Variants in ADCK2 observed in about 807,000 individuals in gnomAD.
ADCK2 encodes the protein uncharacterized aarF domain-containing protein kinase 2.
A neutral mutation model predicts 52.3 loss-of-function variants in ADCK2; 37 were observed. The ratio of observed to expected loss-of-function variants is 0.71; its 90% CI spans 0.54 to 0.93. The LOEUF is 0.93. Ranked by LOEUF, ADCK2 falls within the 40% of genes least tolerant of loss-of-function variation. ADCK2 has a pLI of 0.00. For synonymous variants in ADCK2, 321 were observed against 349.2 expected, an observed-to-expected ratio of 0.92 and a Z score of 0.90; for missense variants, 695 against 798.7, an observed-to-expected ratio of 0.87 and a Z score of 1.56.
In ADCK2 at chr7:140,674,334, A is replaced by C. The variant is rs572190303; in HGVS notation, c.933+71A>C. On this transcript the variant is annotated intron_variant, in intron 1 of 7. Transcript: ENST00000072869. The surrounding 1 kb of genome is among the most constrained non-coding windows in gnomAD (Gnocchi z 4.6). ...CCAGATCAGAAACAACCGCCATGCA[A>C]ATCGCCCCCACGTTTATTTCTATTT... is the stretch of plus-strand genomic sequence containing the variant. 1.4e-4 allele frequency: 197 copies of C among 1,452,638 alleles called. 1 individual carries two copies. Among genetic ancestry groups the C allele is most frequent in the Non-Finnish European group, 3.5e-5 (38 of 1,077,894 alleles). The allele number at this position is 1,452,638 out of a possible 1,614,324, so 90.0% of individuals were successfully genotyped here.
Position 140,693,952 on chromosome 7 carries a change from G to A in ADCK2, c.1741-711G>A, listed in dbSNP as rs60459780. On this transcript the variant is annotated intron_variant, in intron 7 of 7. Coordinates refer to ENST00000072869, the MANE Select transcript of ADCK2 (RefSeq NM_052853.4). This position sits in a 1 kb window ranked among gnomAD's most constrained non-coding sequence, Gnocchi z 4.0. Reference sequence around the variant, plus strand: ...TCTCGATCTCCTGACCTCATGATCCGCCCGCCTCGGTCTCCCAAAGGGCTG... The same window carrying A: ...TCTCGATCTCCTGACCTCATGATCCACCCGCCTCGGTCTCCCAAAGGGCTG... Among the ~76,000 whole-genome samples the A allele has an allele frequency of 0.016, 2,507 of 152,040 alleles. 53 individuals are homozygous for A. Among genetic ancestry groups the A allele is most frequent in the African/African-American group, 0.047 (1,949 of 41,480 alleles).
intron 4 of ADCK2, among the ~76,000 whole-genome samples, chr7:140,681,948 C>T (rs1794524265): frequency 6.6e-6 from 1 of 152,174 alleles, no homozygotes; most frequent in Non-Finnish European, 1.5e-5. Flanking sequence ...GTGGCTCATG[C>T]TCTGTGTGCT....
chr7:140,689,761 T>A, intron 6 of ADCK2, 36 bp downstream of exon 6: 1 of 1,572,792 alleles, frequency 6.4e-7, no homozygotes, highest in South Asian at 1.2e-5. Context: ...GGCTGGGGAG[T>A]CCATACCTGG....
In ADCK2 at chr7:140,693,885, A is replaced by G. The variant is rs1480704081; in HGVS notation, c.1741-778A>G. On this transcript the variant is annotated intron_variant, in intron 7 of 7. Coordinates refer to ENST00000072869, the MANE Select transcript of ADCK2 (RefSeq NM_052853.4). This position sits in a 1 kb window ranked among gnomAD's most constrained non-coding sequence, Gnocchi z 4.0. ...CCACCATGCCCGGCTGATTTTTTGT[A>G]TTTTTAGTAGAGGCAGGGTTTCACT... Among the ~76,000 whole-genome samples the G allele has an allele frequency of 1.3e-5, 2 of 151,572 alleles. No individual in the cohort carries two copies. The highest frequency in any genetic ancestry group is 4.9e-5 in the African/African-American group (2 of 41,212).
chr7:140,673,186 G>T lies in ADCK2; in HGVS notation c.-145G>T. On this transcript the variant is annotated 5_prime_UTR_variant, in exon 1 of 8. Coordinates refer to ENST00000072869, the MANE Select transcript of ADCK2 (RefSeq NM_052853.4). This position sits in a 1 kb window ranked among gnomAD's most constrained non-coding sequence, Gnocchi z 6.4. ...CCTCCGGCCTGAGGCCCGGCGAGGTGCTGGAGGGAGCGGGGCGCGGATCCG... is the reference window on the plus strand; with the variant it reads ...CCTCCGGCCTGAGGCCCGGCGAGGTTCTGGAGGGAGCGGGGCGCGGATCCG... 1 of 591,610 alleles carries T rather than the reference G, an allele frequency of 1.7e-6. No individual in the cohort carries two copies. The allele number at this position is 591,610 out of a possible 1,614,324, so 36.6% of individuals were successfully genotyped here.
Position 140,689,650 on chromosome 7 carries a change from G to A in ADCK2, c.1611G>A (p.Arg537=). 6.2e-7 allele frequency: 1 copy of A among 1,613,158 alleles called. No homozygotes were observed. The highest frequency in any genetic ancestry group is 1.1e-5 in the South Asian group (1 of 90,962). ...ATCATGCCCGGGCCAGCGAGTGCAG[G>A]GACGTGGAGGGGTTCAAAACCGAGA... The part of the protein sequence containing the change: ...ILHHARASEC[R]DVEGFKTEMA... Residue 537 remains arginine (R), a synonymous_variant, in exon 6 of 8, where the codon AGG becomes AGA. Transcript: ENST00000072869.
chr7:140,674,492 C>A lies in ADCK2; in HGVS notation c.934-119C>A. ...ACTAACTGCTTGGGTGTCGGGACCA[C>A]ATCCTCTTTTCTTTGATAAGAAGCC... is the stretch of plus-strand genomic sequence containing the variant. On this transcript the variant is annotated intron_variant, in intron 1 of 7. Coordinates refer to ENST00000072869, the MANE Select transcript of ADCK2 (RefSeq NM_052853.4). The surrounding 1 kb of genome is among the most constrained non-coding windows in gnomAD (Gnocchi z 4.6). 1.5e-6 allele frequency: 2 copies of A among 1,314,250 alleles called. No individual in the cohort carries two copies. The highest frequency in any genetic ancestry group is 2.6e-5 in the Admixed American group (1 of 37,936). The allele number at this position is 1,314,250 out of a possible 1,614,324, so 81.4% of individuals were successfully genotyped here. A position where few individuals can be genotyped will look rare whatever the true frequency, so the allele number is the denominator to read the frequency against.
chr7:140,694,987 T>C lies in ADCK2; in HGVS notation c.*184T>C. The C allele has an allele frequency of 3.0e-6, 4 of 1,335,828 alleles. No individual in the cohort carries two copies. The highest frequency in any genetic ancestry group is 3.8e-6 in the Non-Finnish European group (4 of 1,045,812). The allele number at this position is 1,335,828 out of a possible 1,614,324, so 82.7% of individuals were successfully genotyped here. A position where few individuals can be genotyped will look rare whatever the true frequency, so the allele number is the denominator to read the frequency against. On this transcript the variant is annotated 3_prime_UTR_variant, in exon 8 of 8. Coordinates refer to ENST00000072869, the MANE Select transcript of ADCK2 (RefSeq NM_052853.4). ...GTCTGTTCAAAAGCTTTGGGCCAAT[T>C]AGGGAGTAAAAGGAGGGAAGGGGCC...
At chr7:140,691,871 C>T (rs558503403) in intron 7 of ADCK2, among the ~76,000 whole-genome samples, 30 of 152,310 alleles carry the variant, frequency 2.0e-4, no homozygotes, top group Admixed American at 3.3e-4. Context: ...TGGGTCCTCC[C>T]GCCTCCGTGG....
chr7:140,674,395 C>A lies in ADCK2; in HGVS notation c.933+132C>A. The A allele has an allele frequency of 7.7e-6, 9 of 1,167,728 alleles. No individual in the cohort carries two copies. In the South Asian group the frequency reaches 9.6e-5, roughly 12 times the overall value. 72.3% of individuals were successfully genotyped at this position (1,167,728 alleles called of 1,614,324 possible). ...TATCTGAGTGCTTATTTCATGCAAG[C>A]TGTTTCATTTATTGGCTTGAAGTGG... is the stretch of plus-strand genomic sequence containing the variant. On this transcript the variant is annotated intron_variant, in intron 1 of 7. Transcript: ENST00000072869. The surrounding 1 kb of genome is among the most constrained non-coding windows in gnomAD (Gnocchi z 4.6).
Position 140,679,280 on chromosome 7 carries a change from T to C in ADCK2, c.1206T>C (p.Tyr402=). 1 of 1,613,952 alleles carries C rather than the reference T, an allele frequency of 6.2e-7. No homozygotes were observed. The highest frequency in any genetic ancestry group is 1.7e-5 in the Admixed American group (1 of 59,994). The change falls in exon 3 of 8, where the codon TAT becomes TAC. Residue 402 remains tyrosine (Y), a synonymous_variant. Coordinates refer to ENST00000072869, the MANE Select transcript of ADCK2 (RefSeq NM_052853.4). ...FVTREVLVET[Y]EESVPVSSYQ... ...CCAGAGAAGTCTTGGTGGAAACGTA[T>C]GAAGTAAGAGTGATGGCTTTGCCTG... is the stretch of plus-strand genomic sequence containing the variant.
At chr7:140,684,249 G>A (rs555676539) in intron 4 of ADCK2, among the ~76,000 whole-genome samples, 9 of 152,260 alleles carry the variant, frequency 5.9e-5, no homozygotes, top group Middle Eastern at 3.4e-3. Context: ...AACCTTTGTC[G>A]TCAGGCTTCT....
chr7:140,681,050 G>A lies in ADCK2; in HGVS notation c.1218G>A (p.Val406=). ...EVLVETYEES[V]PVSSYQQAGI... is the part of the protein sequence containing the mutation. ...CCCTGGTCTTTCTGAAGGAGAGTGT[G>A]CCTGTGTCCAGTTACCAGCAGGCAG... Residue 406 remains valine, a synonymous_variant, in exon 4 of 8, where the codon GTG becomes GTA. Transcript: ENST00000072869. 1 of 1,614,202 alleles carries A rather than the reference G, an allele frequency of 6.2e-7. No individual in the cohort carries two copies. Among genetic ancestry groups the A allele is most frequent in the Non-Finnish European group, 8.5e-7 (1 of 1,180,030 alleles).
In ADCK2 at chr7:140,693,224, C is replaced by T. The variant is rs138055343; in HGVS notation, c.1741-1439C>T. The stretch of plus-strand genomic sequence containing the variant: ...AAAGGAATCTAATCCACACTAAGAA[C>T]CCCCCACCCAGCTTCAGAATGAAAG... On this transcript the variant is annotated intron_variant, in intron 7 of 7. Transcript: ENST00000072869. The surrounding 1 kb of genome is among the most constrained non-coding windows in gnomAD (Gnocchi z 4.0). Among the ~76,000 whole-genome samples, 40 of 152,220 alleles carry T rather than the reference C, an allele frequency of 2.6e-4. No homozygotes were observed. The highest frequency in any genetic ancestry group is 9.1e-4 in the African/African-American group (38 of 41,536).
rs1359939650 is a variant in ADCK2, at chr7:140,693,408, C to G, written c.1741-1255C>G. ...TTCCAGCCCTTAACGGAGACAAATACTCTTTAATTTCTAACAAAGAATATT... is the reference window on the plus strand; with the variant it reads ...TTCCAGCCCTTAACGGAGACAAATAGTCTTTAATTTCTAACAAAGAATATT... On this transcript the variant is annotated intron_variant, in intron 7 of 7. Transcript: ENST00000072869. The surrounding 1 kb of genome is among the most constrained non-coding windows in gnomAD (Gnocchi z 4.0). Among the ~76,000 whole-genome samples the G allele has an allele frequency of 6.6e-6, 1 of 152,226 alleles. No individual in the cohort carries two copies. The highest frequency in any genetic ancestry group is 1.5e-5 in the Non-Finnish European group (1 of 68,034).
In ADCK2 at chr7:140,674,678, T is replaced by C. The variant is rs1563205704; in HGVS notation, c.1001T>C (p.Val334Ala). Reference protein sequence around the residue: ...DLLLMKIGSRVLGVLPGIKWL... With the variant: ...DLLLMKIGSRALGVLPGIKWL... ...CTGCTGATGAAGATTGGCAGCCGAGTCCTGGGAGTTTTGCCAGGCATCAAG... is the reference window on the plus strand; with the variant it reads ...CTGCTGATGAAGATTGGCAGCCGAGCCCTGGGAGTTTTGCCAGGCATCAAG... Residue 334 changes from valine (V) to alanine (A), a missense_variant, in exon 2 of 8, where the codon GTC (valine) becomes GCC (alanine). Coordinates refer to ENST00000072869, the MANE Select transcript of ADCK2 (RefSeq NM_052853.4). This position sits in a 1 kb window ranked among gnomAD's most constrained non-coding sequence, Gnocchi z 4.6. The C allele has an allele frequency of 6.2e-7, 1 of 1,613,994 alleles. No homozygotes were observed. The highest frequency in any genetic ancestry group is 1.3e-5 in the African/African-American group (1 of 74,906).
chr7:140,683,700 G>C (rs1794555831), intron 4 of ADCK2, among the ~76,000 whole-genome samples: 1 of 152,172 alleles, frequency 6.6e-6, no homozygotes. Context: ...GGGTGGTTTT[G>C]TCTACCAGGG....
In ADCK2 at chr7:140,673,334, G is replaced by T; in HGVS notation, c.4G>T (p.Val2Leu). 1 of 1,447,350 alleles carries T rather than the reference G, an allele frequency of 6.9e-7. No individual in the cohort carries two copies. Among genetic ancestry groups the T allele is most frequent in the Non-Finnish European group, 9.1e-7 (1 of 1,098,576 alleles). The allele number at this position is 1,447,350 out of a possible 1,614,324, so 89.7% of individuals were successfully genotyped here. M[V>L]APWRVSVRVC... ...CTGGGCCGCGGGCCTCGGGAGGATG[G>T]TGGCGCCCTGGCGCGTCTCCGTCAG... Residue 2 changes from valine (V) to leucine (L), a missense_variant, in exon 1 of 8, where the codon GTG becomes TTG. Transcript: ENST00000072869. The surrounding 1 kb of genome is among the most constrained non-coding windows in gnomAD (Gnocchi z 6.4).
intron 7 of ADCK2, among the ~76,000 whole-genome samples, chr7:140,691,405 T>C (rs577090984): frequency 9.2e-5 from 14 of 152,340 alleles, no homozygotes; most frequent in African/African-American, 3.4e-4. Flanking sequence ...CCTCCTTGGT[T>C]CACTTTCATG....
Sources: allele counts gnomAD v4.1 joint callset (sites outside exome capture counted in the v4.1 genomes callset), GRCh38; gene constraint gnomAD v4.1.1; non-coding constraint Gnocchi (gnomAD v3.1); transcripts MANE v1.5; gene names NCBI Gene and HGNC (gene_info 2026-07-23, HGNC 2026-07-21).